Variants in TNS1 observed in about 807,000 individuals in gnomAD.
TNS1 encodes tensin 1.
TNS1 carries 62 observed loss-of-function variants against 168.6 expected under a neutral mutation model. The ratio of observed to expected loss-of-function variants is 0.37; its 90% CI spans 0.30 to 0.45. TNS1 has a LOEUF of 0.45. Among genes scored for constraint, TNS1 ranks in the 20% least tolerant of loss-of-function variants. TNS1 has a pLI of 1.00. For synonymous variants in TNS1, 934 were observed against 933.2 expected (o/e 1.00, Z -0.02); for missense variants, 2,240 against 2,339.4 (o/e 0.96, Z 0.88).
rs577477831 is a variant in TNS1, at chr2:217,824,979, C to A, written c.3374-3041G>T. ...AATCTGCATGTGCTCCACAAAGTCA[C>A]AGAAGCATGATCCTTACCCTCCAGC... On this transcript the variant is annotated intron_variant, in intron 22 of 32. Coordinates refer to ENST00000682258, the MANE Select transcript of TNS1 (RefSeq NM_001387777.1). Among the ~76,000 whole-genome samples, 8 of 152,316 alleles carry A rather than the reference C, an allele frequency of 5.3e-5. No individual in the cohort carries two copies. The South Asian group carries it at 1.7e-3, about 32-fold the overall frequency.
intron 4 of TNS1, among the ~76,000 whole-genome samples, chr2:217,918,536 C>G (rs547648479): frequency 1.3e-4 from 20 of 152,330 alleles, no homozygotes. Flanking sequence ...GCAGTCCCCC[C>G]AGCTGGAATG....
At chr2:217,895,893 G>A (rs1285240717) in intron 8 of TNS1, among the ~76,000 whole-genome samples, 1 of 152,248 alleles carries the variant, frequency 6.6e-6, no homozygotes, top group Non-Finnish European at 1.5e-5. Context: ...AGGATAGAGA[G>A]AGGGGTGGCA....
At chr2:217,971,719 C>CTTTTAAAAA (rs1298269725) in intron 3 of TNS1, among the ~76,000 whole-genome samples, 3 of 152,180 alleles carry the variant, frequency 2.0e-5, no homozygotes, top group Non-Finnish European at 4.4e-5. Context: ...TCCCAATGCC[C>CTTTTAAAAA]AGGTCAGGTC....
intron 3 of TNS1, among the ~76,000 whole-genome samples, chr2:217,951,193 C>T (rs1020547603): frequency 6.6e-6 from 1 of 152,190 alleles, no homozygotes; most frequent in African/African-American, 2.4e-5. Context: ...AGCTGTGTAA[C>T]CTCGAGCAAG....
In TNS1 at chr2:217,892,446, C is replaced by A. The variant is rs562434875; in HGVS notation, c.782+502G>T. On this transcript the variant is annotated intron_variant, in intron 11 of 32. Transcript: ENST00000682258. ...TAACAAAACGAATGGGTGAATCCCTCTGCCTCTCTGCAGAGTGGGATTGGA... is the reference window on the plus strand; with the variant it reads ...TAACAAAACGAATGGGTGAATCCCTATGCCTCTCTGCAGAGTGGGATTGGA... 2.6e-5 allele frequency among the ~76,000 whole-genome samples: 4 copies of A among 152,326 alleles called. No homozygotes were observed. In the South Asian group the frequency reaches 8.3e-4, roughly 32 times the overall value.
intron 8 of TNS1, among the ~76,000 whole-genome samples, chr2:217,897,198 G>A (rs1436868275): frequency 1.3e-5 from 2 of 152,284 alleles, no homozygotes; most frequent in Admixed American, 1.3e-4. Context: ...GGCCAAGGAC[G>A]GATCAGCCTT....
chr2:217,986,872 C>G lies in TNS1; in HGVS notation c.148+4070G>C, dbSNP rs1958207936. ...CTCTCAGCACCAGGACCTGGCACAGCATCTGACCCAGAGGACAGCTCAGTT... is the reference window on the plus strand; with the variant it reads ...CTCTCAGCACCAGGACCTGGCACAGGATCTGACCCAGAGGACAGCTCAGTT... On this transcript the variant is annotated intron_variant, in intron 2 of 32. Coordinates refer to ENST00000682258, the MANE Select transcript of TNS1 (RefSeq NM_001387777.1). This position sits in a 1 kb window ranked among gnomAD's most constrained non-coding sequence, Gnocchi z 4.7. The G allele has an allele frequency of 1.3e-5, 2 of 152,382 alleles. No homozygotes were observed. Among genetic ancestry groups the G allele is most frequent in the South Asian group, 2.1e-4 (1 of 4,830 alleles). 9.4% of individuals were successfully genotyped at this position (152,382 alleles called of 1,614,324 possible). A position where few individuals can be genotyped will look rare whatever the true frequency, so the allele number is the denominator to read the frequency against.
upstream of TNS1, among the ~76,000 whole-genome samples, chr2:218,006,547 G>A (rs141541850): frequency 2.0e-5 from 3 of 152,324 alleles, no homozygotes; most frequent in Non-Finnish European, 4.4e-5. Flanking sequence ...TTTTAAAGCT[G>A]GAAAGGTCTT....
intron 3 of TNS1, among the ~76,000 whole-genome samples, chr2:217,954,748 C>T (rs1160018421): frequency 6.6e-6 from 1 of 152,204 alleles, no homozygotes; most frequent in African/African-American, 2.4e-5. Context: ...CTGACCTCTC[C>T]TTCCACCATC....
chr2:217,971,403 C>T (rs1395953451), intron 3 of TNS1, among the ~76,000 whole-genome samples: 1 of 152,218 alleles, frequency 6.6e-6, no homozygotes, highest in African/African-American at 2.4e-5. Context: ...GCGCATAGAT[C>T]ATTCCTTTTT....
intron 1 of TNS1, among the ~76,000 whole-genome samples, chr2:218,030,791 G>C (rs1162352121): frequency 6.6e-6 from 1 of 152,228 alleles, no homozygotes; most frequent in Non-Finnish European, 1.5e-5. Context: ...ATAAATCAGG[G>C]CTATAGTGGG....
chr2:218,030,189 G>A (rs2106016403), intron 1 of TNS1, among the ~76,000 whole-genome samples: 1 of 152,288 alleles, frequency 6.6e-6, no homozygotes, highest in Admixed American at 6.5e-5. Context: ...GGAGCCAGGA[G>A]CAGCCAGGAA....
chr2:218,002,792 G>T (rs1194690982), intron 1 of TNS1, 48 bp downstream of exon 1: 4 of 456,450 alleles, frequency 8.8e-6, no homozygotes, highest in South Asian at 1.5e-5. Flanking sequence ...GGTGGGGGGC[G>T]GGGGGTTTGA....
At chr2:217,895,623 A>G (rs1249504914) in intron 8 of TNS1, among the ~76,000 whole-genome samples, 2 of 152,114 alleles carry the variant, frequency 1.3e-5, no homozygotes, top group Non-Finnish European at 2.9e-5. Context: ...GACTTCCTCC[A>G]TCAGAGGGGC....
At position 217,946,967 on chromosome 2, in the gene TNS1, T is replaced by TCACA. The variant is rs1377730479; in HGVS notation, c.187-26732_187-26731insTGTG. Among the ~76,000 whole-genome samples the TCACA allele has an allele frequency of 1.2e-3, 150 of 125,340 alleles. 1 individual carries two copies. Among genetic ancestry groups the TCACA allele is most frequent in the African/African-American group, 4.8e-3 (125 of 26,050 alleles). The allele number at this position is 125,340 out of a possible 152,430, so 82.2% of individuals were successfully genotyped here. On this transcript the variant is annotated intron_variant, in intron 3 of 32. Transcript: ENST00000682258. The stretch of plus-strand genomic sequence containing the variant: ...CTCTCTCTCTCTCTCTCTCTCTCTC[T>TCACA]CTCACACACACACACACACACACAC...
chr2:217,931,845 G>A (rs903734801), intron 3 of TNS1, among the ~76,000 whole-genome samples: 1 of 152,176 alleles, frequency 6.6e-6, no homozygotes, highest in Non-Finnish European at 1.5e-5. Context: ...CAGATTTGAA[G>A]AAGTGCCTTA....
intron 18 of TNS1, among the ~76,000 whole-genome samples, chr2:217,857,408 G>A (rs1163036031): frequency 6.6e-6 from 1 of 152,162 alleles, no homozygotes; most frequent in Non-Finnish European, 1.5e-5. Flanking sequence ...TGTCCCTAAT[G>A]CTGCTTCAAG....
intron 29 of TNS1, 32 bp downstream of exon 29, chr2:217,810,216 G>A: frequency 1.2e-6 from 2 of 1,611,546 alleles, no homozygotes; most frequent in Non-Finnish European, 1.7e-6. Context: ...AGAGAGGCCT[G>A]GGCATGGGTA....
intron 18 of TNS1, chr2:217,850,382 G>A (rs773347616): frequency 1.1e-4 from 105 of 985,156 alleles, no homozygotes; most frequent in Admixed American, 3.1e-4. Context: ...AAAACAAGAT[G>A]TCTTCATGGG....
Sources: gnomAD v4.1 joint callset for allele counts (sites outside exome capture counted in the v4.1 genomes callset) on GRCh38, gnomAD v4.1.1 for gene constraint, Gnocchi (gnomAD v3.1) non-coding constraint, MANE v1.5 for transcripts, NCBI Gene and HGNC (gene_info 2026-07-23, HGNC 2026-07-21) for gene names.